RIMBP2: variants seen among roughly 807,000 people sequenced by gnomAD.
RIMBP2 encodes the protein RIMS-binding protein 2.
A neutral mutation model predicts 118.6 loss-of-function variants in RIMBP2; 48 were observed. The ratio of observed to expected loss-of-function variants is 0.40; its 90% CI spans 0.32 to 0.51. RIMBP2 has a LOEUF of 0.51. Among genes scored for constraint, RIMBP2 ranks in the 20% least tolerant of loss-of-function variants. The pLI, the probability that RIMBP2 is intolerant of heterozygous loss-of-function variation, is 0.41. For synonymous variants in RIMBP2, 762 were observed against 742.9 expected (o/e 1.03, Z -0.42); for missense variants, 1,551 against 1,768.3 (o/e 0.88, Z 2.20).
At chr12:130,585,538 G>A (rs1274942776) in intron 2 of RIMBP2, among the ~76,000 whole-genome samples, 2 of 150,618 alleles carry the variant, frequency 1.3e-5, no homozygotes, top group Non-Finnish European at 2.9e-5. Flanking sequence ...CTTGAGCCCA[G>A]TTGGGGAGGT....
intron 14 of RIMBP2, 131 bp from the exon 15 acceptor site, chr12:130,428,468 GGT>G: frequency 1.1e-6 from 1 of 883,058 alleles, no homozygotes; most frequent in Admixed American, 2.8e-5. Context: ...ACGGGCACAG[GGT>G]GTGTGTTACT....
At chr12:130,606,321 C>T (rs2060184053) in intron 2 of RIMBP2, among the ~76,000 whole-genome samples, 1 of 152,148 alleles carries the variant, frequency 6.6e-6, no homozygotes, top group Admixed American at 6.5e-5. Flanking sequence ...CTGGGATTAC[C>T]CCCTCTCACT....
At chr12:130,527,995 T>C (rs558577977) in intron 2 of RIMBP2, among the ~76,000 whole-genome samples, 3 of 152,324 alleles carry the variant, frequency 2.0e-5, no homozygotes, top group Admixed American at 1.3e-4. Flanking sequence ...ACACTGTTGA[T>C]GGGGATGTAA....
intron 2 of RIMBP2, among the ~76,000 whole-genome samples, chr12:130,592,882 C>G (rs996582663): frequency 6.6e-6 from 1 of 152,086 alleles, no homozygotes; most frequent in Non-Finnish European, 1.5e-5. Flanking sequence ...GCTGCGATGT[C>G]GGGAGCGGTG....
chr12:130,661,453 T>C (rs2063659655), intron 1 of RIMBP2, among the ~76,000 whole-genome samples: 2 of 151,932 alleles, frequency 1.3e-5, no homozygotes. Flanking sequence ...GGCTGAGAAG[T>C]GCAGAGAGAC....
chr12:130,458,911 A>G (rs1471828467), intron 6 of RIMBP2, among the ~76,000 whole-genome samples: 1 of 151,706 alleles, frequency 6.6e-6, no homozygotes, highest in African/African-American at 2.4e-5. Flanking sequence ...GGGCAGGGAG[A>G]CACGCGCCTG....
Position 130,688,519 on chromosome 12 carries a change from C to T in RIMBP2, c.-352+27703G>A, listed in dbSNP as rs2065163901. On this transcript the variant is annotated intron_variant, in intron 1 of 22. Transcript: ENST00000690449. The surrounding 1 kb of genome is among the most constrained non-coding windows in gnomAD (Gnocchi z 4.7). Reference sequence around the variant, plus strand: ...GTGGGGGCGGCCATGTGACCAAGAGCTCCCCCAAGCATGAGTCGTCTTCAC... The same window carrying T: ...GTGGGGGCGGCCATGTGACCAAGAGTTCCCCCAAGCATGAGTCGTCTTCAC... Among the ~76,000 whole-genome samples, 1 of 152,270 alleles carries T rather than the reference C, an allele frequency of 6.6e-6. No individual in the cohort carries two copies. The highest frequency in any genetic ancestry group is 1.9e-4 in the East Asian group (1 of 5,158).
intron 2 of RIMBP2, among the ~76,000 whole-genome samples, chr12:130,555,762 T>C (rs1044891073): frequency 1.3e-5 from 2 of 152,336 alleles, no homozygotes; most frequent in East Asian, 3.9e-4. Context: ...AACACGAAAC[T>C]GCTAGTGCAA....
At chr12:130,519,313 T>C (rs1160839770) in intron 2 of RIMBP2, among the ~76,000 whole-genome samples, 1 of 152,238 alleles carries the variant, frequency 6.6e-6, no homozygotes, top group African/African-American at 2.4e-5. Flanking sequence ...TCCTTTTTTC[T>C]TAGCCACAGT....
chr12:130,481,101 GGGCACCCA>G (rs1314536184), intron 4 of RIMBP2, among the ~76,000 whole-genome samples: 1 of 149,886 alleles, frequency 6.7e-6, no homozygotes, highest in Non-Finnish European at 1.5e-5. Flanking sequence ...TGAGGGCGGG[GGGCACCCA>G]GGCTCAGGGG....
intron 19 of RIMBP2, 68 bp from the exon 20 acceptor site, chr12:130,407,897 C>T: frequency 1.4e-6 from 2 of 1,416,046 alleles, no homozygotes; most frequent in Non-Finnish European, 2.0e-6. Context: ...TGTTCCCCTC[C>T]TTCCGGGTCA....
intron 4 of RIMBP2, among the ~76,000 whole-genome samples, chr12:130,488,115 C>A (rs1593494572): frequency 6.6e-6 from 1 of 152,154 alleles, no homozygotes; most frequent in East Asian, 1.9e-4. Flanking sequence ...AGAAACTAGA[C>A]TTTAACACTT....
rs895679091 is a variant in RIMBP2 at position 130,581,016 on chromosome 12, T to A, written c.-217+47306A>T. Among the ~76,000 whole-genome samples the A allele has an allele frequency of 6.6e-6, 1 of 152,112 alleles. No homozygotes were observed. Among genetic ancestry groups the A allele is most frequent in the South Asian group, 2.1e-4 (1 of 4,828 alleles). ...AAATATCTCCTATCTTGGCTCCAGC[T>A]TTTTTCAGTGCCACCCACACACTGT... On this transcript the variant is annotated intron_variant, in intron 2 of 22. Transcript: ENST00000690449. The surrounding 1 kb of genome is among the most constrained non-coding windows in gnomAD (Gnocchi z 4.4).
intron 4 of RIMBP2, among the ~76,000 whole-genome samples, chr12:130,481,469 T>G (rs902213189): frequency 1.3e-5 from 2 of 152,172 alleles, no homozygotes; most frequent in African/African-American, 4.8e-5. Context: ...TCTACATTTT[T>G]AAGCTGAATA....
chr12:130,490,254 A>G (rs2048516483), intron 4 of RIMBP2, among the ~76,000 whole-genome samples: 1 of 151,504 alleles, frequency 6.6e-6, no homozygotes, highest in South Asian at 2.1e-4. Flanking sequence ...TGACAATTCT[A>G]AGTTAAAAAA....
intron 14 of RIMBP2, chr12:130,432,285 T>C: frequency 2.2e-6 from 1 of 456,612 alleles, no homozygotes; most frequent in East Asian, 7.0e-5. Context: ...TGCGTAATCA[T>C]GGACAAAAAT....
chr12:130,632,111 G>A (rs2062027878), intron 1 of RIMBP2, among the ~76,000 whole-genome samples: 1 of 152,222 alleles, frequency 6.6e-6, no homozygotes, highest in Non-Finnish European at 1.5e-5. Flanking sequence ...TTCATCGTGG[G>A]ACGATTTCAG....
At chr12:130,452,321 G>A (rs143921960) in intron 7 of RIMBP2, among the ~76,000 whole-genome samples, 2,034 of 152,252 alleles carry the variant, frequency 0.013, 42 homozygotes, top group African/African-American at 0.046. Flanking sequence ...CCTAGGAGCC[G>A]CCCCTAGCAG....
rs186628381 is a variant in RIMBP2 at position 130,424,292 on chromosome 12, C to T, written c.2979G>A (p.Pro993=). The change falls in exon 16 of 23, where the codon CCG becomes CCA. Residue 993 remains proline (P), a synonymous_variant. Transcript: ENST00000690449. The surrounding 1 kb of genome is among the most constrained non-coding windows in gnomAD (Gnocchi z 9.8). ...LLRNDDPQPG[P]ERPPPRKHGW... ...CGTGCTTCCTGGGGGGCGGCCTCTC[C>T]GGGCCGGGCTGGGGGTCGTCGTTCC... 1.2e-3 allele frequency: 1,478 copies of T among 1,231,522 alleles called. 3 individuals carry two copies. Among genetic ancestry groups the T allele is most frequent in the Admixed American group, 5.0e-3 (119 of 23,702 alleles). The allele number at this position is 1,231,522 out of a possible 1,614,324, so 76.3% of individuals were successfully genotyped here. A position where few individuals can be genotyped will look rare whatever the true frequency, so the allele number is the denominator to read the frequency against.
Sources: gnomAD v4.1 joint callset for allele counts (sites outside exome capture counted in the v4.1 genomes callset) on GRCh38, gnomAD v4.1.1 for gene constraint, Gnocchi (gnomAD v3.1) non-coding constraint, MANE v1.5 for transcripts, NCBI Gene and HGNC (gene_info 2026-07-23, HGNC 2026-07-21) for gene names.